TRAPPC9: variants seen among roughly 807,000 people sequenced by gnomAD.
The protein encoded by TRAPPC9 is trafficking protein particle complex subunit 9, also known as IKK2 binding protein.
Under a neutral mutation model 124.0 loss-of-function variants are expected in TRAPPC9, and 83 were observed. That is an observed-to-expected ratio of 0.67 (90% CI 0.56 to 0.80). The LOEUF is 0.80. Ranked by LOEUF, TRAPPC9 falls within the 30% of genes least tolerant of loss-of-function variation. The pLI, the probability that TRAPPC9 is intolerant of heterozygous loss-of-function variation, is 0.00. For missense variants in TRAPPC9, 1,302 were observed against 1,508.3 expected (o/e 0.86, Z 2.27); for synonymous variants, 638 against 617.5 (o/e 1.03, Z -0.49).
At chr8:139,732,554 G>A (rs925307275) in intron 21 of TRAPPC9, among the ~76,000 whole-genome samples, 5 of 152,242 alleles carry the variant, frequency 3.3e-5, no homozygotes, top group Non-Finnish European at 7.3e-5. Context: ...AGAGGCGAGG[G>A]CGTGGAAGGG....
At chr8:140,444,575 C>T (rs1014087753) in intron 2 of TRAPPC9, among the ~76,000 whole-genome samples, 1 of 152,148 alleles carries the variant, frequency 6.6e-6, no homozygotes, top group African/African-American at 2.4e-5. Flanking sequence ...ATATAGAAAA[C>T]CCCAGTCAGG....
rs564677514 is a variant in TRAPPC9 at position 140,232,900 on chromosome 8, G to A, written c.2432-11317C>T. Among the ~76,000 whole-genome samples, 2 of 152,212 alleles carry A rather than the reference G, an allele frequency of 1.3e-5. 1 individual carries two copies. Among genetic ancestry groups the A allele is most frequent in the Non-Finnish European group, 2.9e-5 (2 of 68,040 alleles). ...TTCATAGGATAATAAAGGAAGAATG[G>A]TGGTTTCCCAAGCCAAAGCGTGACA... On this transcript the variant is annotated intron_variant, in intron 16 of 22. Coordinates refer to ENST00000438773, the MANE Select transcript of TRAPPC9 (RefSeq NM_001160372.4).
chr8:140,076,324 T>C (rs1843507341), intron 17 of TRAPPC9, among the ~76,000 whole-genome samples: 1 of 152,156 alleles, frequency 6.6e-6, no homozygotes, highest in East Asian at 1.9e-4. Flanking sequence ...TGGCCCTTGC[T>C]CGTCAGTGGG....
At chr8:140,225,498 C>A (rs1407123117) in intron 16 of TRAPPC9, among the ~76,000 whole-genome samples, 3 of 152,180 alleles carry the variant, frequency 2.0e-5, no homozygotes, top group African/African-American at 7.2e-5. Context: ...TATTTTCTCT[C>A]TTTTTTCTCA....
chr8:140,346,563 T>C (rs2067356298), intron 9 of TRAPPC9, among the ~76,000 whole-genome samples: 1 of 152,214 alleles, frequency 6.6e-6, no homozygotes, highest in African/African-American at 2.4e-5. Context: ...AGTTACTTTA[T>C]TTTTTCTTAT....
At chr8:140,119,876 G>A (rs1389019755) in intron 17 of TRAPPC9, among the ~76,000 whole-genome samples, 4 of 152,084 alleles carry the variant, frequency 2.6e-5, no homozygotes, top group Non-Finnish European at 4.4e-5. Flanking sequence ...ACTGTTTGTG[G>A]GCTTCTCAAA....
chr8:140,166,146 G>C (rs35087615), intron 17 of TRAPPC9, among the ~76,000 whole-genome samples: 116,821 of 152,124 alleles, frequency 0.77, 45,571 homozygotes, highest in East Asian at 1. Context: ...TGCCCAAAAG[G>C]CATGACCGAA....
chr8:140,203,853 T>C (rs1366493691), intron 17 of TRAPPC9, among the ~76,000 whole-genome samples: 2 of 146,458 alleles, frequency 1.4e-5, no homozygotes, highest in African/African-American at 2.5e-5. Flanking sequence ...GGATCACACA[T>C]GAGGCCAAGG....
chr8:139,867,262 T>C (rs540714779), intron 21 of TRAPPC9, among the ~76,000 whole-genome samples: 65 of 152,264 alleles, frequency 4.3e-4, no homozygotes, highest in African/African-American at 1.5e-3. Flanking sequence ...AGAATAATGA[T>C]GCAGACAGGT....
At chr8:139,957,052 G>A (rs1385898828) in intron 19 of TRAPPC9, among the ~76,000 whole-genome samples, 4 of 152,230 alleles carry the variant, frequency 2.6e-5, no homozygotes, top group African/African-American at 9.6e-5. Context: ...CACACAGAGC[G>A]GGCCCCATGC....
intron 17 of TRAPPC9, among the ~76,000 whole-genome samples, chr8:140,163,324 A>G (rs2061781602): frequency 6.6e-6 from 1 of 152,188 alleles, no homozygotes; most frequent in Non-Finnish European, 1.5e-5. Flanking sequence ...GAAGTGAGGG[A>G]CTAGTCTCTC....
intron 21 of TRAPPC9, among the ~76,000 whole-genome samples, chr8:139,781,310 T>C (rs949275996): frequency 6.6e-6 from 1 of 152,080 alleles, no homozygotes; most frequent in Non-Finnish European, 1.5e-5. Context: ...GACAATGAAA[T>C]AGTAGCACCA....
intron 21 of TRAPPC9, among the ~76,000 whole-genome samples, chr8:139,884,327 C>A (rs1829865430): frequency 1.3e-5 from 2 of 152,110 alleles, no homozygotes; most frequent in African/African-American, 2.4e-5. Flanking sequence ...GGTCACCTAC[C>A]CAAACAAAGG....
rs528175891 is a variant in TRAPPC9, at chr8:140,229,251, C to CTTTTTTTTTTTTT, written c.2432-7681_2432-7669dup. ...AGTCAATTCCGTATGTTTTCTTTTTCTTTTTTTTTTTTTTTTTTTTTTTTT... is the reference window on the plus strand; with the variant it reads ...AGTCAATTCCGTATGTTTTCTTTTTCTTTTTTTTTTTTTTTTTTTTTTTTTTTTTTTTTTTTTT... On this transcript the variant is annotated intron_variant, in intron 16 of 22. Coordinates refer to ENST00000438773, the MANE Select transcript of TRAPPC9 (RefSeq NM_001160372.4). Among the ~76,000 whole-genome samples, 15 of 99,816 alleles carry CTTTTTTTTTTTTT rather than the reference C, an allele frequency of 1.5e-4. 2 individuals are homozygous for CTTTTTTTTTTTTT. Among genetic ancestry groups the CTTTTTTTTTTTTT allele is most frequent in the African/African-American group, 4.6e-4 (10 of 21,734 alleles). 65.5% of individuals were successfully genotyped at this position (99,816 alleles called of 152,430 possible).
At chr8:140,107,876 T>A (rs564460166) in intron 17 of TRAPPC9, among the ~76,000 whole-genome samples, 1 of 150,800 alleles carries the variant, frequency 6.6e-6, no homozygotes, top group African/African-American at 2.4e-5. Context: ...GTGAAACATT[T>A]AAGTCTGGCA....
chr8:140,405,518 G>A, intron 6 of TRAPPC9, 59 bp downstream of exon 6: 1 of 1,588,652 alleles, frequency 6.3e-7, no homozygotes, highest in Non-Finnish European at 8.6e-7. Context: ...AATGTAAAAT[G>A]GAAACTTCTG....
rs567078393 is a variant in TRAPPC9 at position 139,742,612 on chromosome 8, G to A, written c.3056-10410C>T. Among the ~76,000 whole-genome samples the A allele has an allele frequency of 6.6e-5, 10 of 152,266 alleles. No individual in the cohort carries two copies. The South Asian group carries it at 2.1e-3, about 32-fold the overall frequency. ...AGCTATGGACCCAGAACACGGCCAC[G>A]GGCAGAGGCAGGATGGACTCAGGAG... On this transcript the variant is annotated intron_variant, in intron 21 of 22. Coordinates refer to ENST00000438773, the MANE Select transcript of TRAPPC9 (RefSeq NM_001160372.4). This position sits in a 1 kb window ranked among gnomAD's most constrained non-coding sequence, Gnocchi z 4.7.
At chr8:139,828,327 G>C (rs1327584177) in intron 21 of TRAPPC9, among the ~76,000 whole-genome samples, 1 of 152,206 alleles carries the variant, frequency 6.6e-6, no homozygotes, top group Non-Finnish European at 1.5e-5. Flanking sequence ...TGCAAGGGTG[G>C]CTGCTTTCCT....
chr8:140,348,956 A>C (rs1249444402), intron 9 of TRAPPC9, among the ~76,000 whole-genome samples: 1 of 151,858 alleles, frequency 6.6e-6, no homozygotes, highest in African/African-American at 2.4e-5. Flanking sequence ...CGTGTAGAGG[A>C]AGCACTGGAC....
Sources: gnomAD v4.1 joint callset for allele counts (sites outside exome capture counted in the v4.1 genomes callset) on GRCh38, gnomAD v4.1.1 for gene constraint, Gnocchi (gnomAD v3.1) non-coding constraint, MANE v1.5 for transcripts, NCBI Gene and HGNC (gene_info 2026-07-23, HGNC 2026-07-21) for gene names.